SNX25: variants seen among roughly 807,000 people sequenced by gnomAD.
SNX25 encodes the protein sorting nexin 25, also known as sorting nexin-25.
Under a neutral mutation model 113.7 loss-of-function variants are expected in SNX25, and 62 were observed. That is an observed-to-expected ratio of 0.55 (90% CI 0.44 to 0.67). SNX25 has a LOEUF of 0.67. Among genes scored for constraint, SNX25 ranks in the 30% least tolerant of loss-of-function variants. SNX25 has a pLI of 0.00. For missense variants in SNX25, 1,014 were observed against 1,161.0 expected (o/e 0.87, Z 1.84); for synonymous variants, 421 against 436.2 (o/e 0.97, Z 0.43).
intron 6 of SNX25, among the ~76,000 whole-genome samples, chr4:185,310,074 A>G (rs992322428): frequency 3.3e-5 from 5 of 152,180 alleles, no homozygotes; most frequent in Non-Finnish European, 7.3e-5. Flanking sequence ...CTCATTATTC[A>G]TGTTTGTTTA....
chr4:185,316,528 C>A (rs1378316367), intron 7 of SNX25, among the ~76,000 whole-genome samples: 2 of 152,162 alleles, frequency 1.3e-5, no homozygotes, highest in South Asian at 2.1e-4. Context: ...TAGCACCCCC[C>A]ACACCAGTGG....
downstream of SNX25, chr4:185,374,235 C>A: frequency 6.2e-7 from 1 of 1,614,122 alleles, no homozygotes; most frequent in South Asian, 1.1e-5. Flanking sequence ...TGCGATAAGC[C>A]ACAGTCTACA....
intron 6 of SNX25, among the ~76,000 whole-genome samples, chr4:185,301,256 A>G (rs929545039): frequency 6.6e-6 from 1 of 152,204 alleles, no homozygotes; most frequent in African/African-American, 2.4e-5. Context: ...CCTCCATAAA[A>G]GGCCTAATGA....
downstream of SNX25, chr4:185,371,082 T>G (rs563024380): frequency 2.3e-4 from 76 of 336,266 alleles, no homozygotes; most frequent in African/African-American, 1.5e-3. Context: ...TTCTTTTTTC[T>G]TCTAATATTA....
At chr4:185,377,993 C>A in the SNX25 span, 2 of 1,072,256 alleles carry the variant, frequency 1.9e-6, no homozygotes, top group Non-Finnish European at 2.7e-6. Flanking sequence ...ATCAATAAAA[C>A]ACATTATTTC....
intron 16 of SNX25, among the ~76,000 whole-genome samples, chr4:185,358,080 T>G (rs2095346807): frequency 6.6e-6 from 1 of 152,218 alleles, no homozygotes. Flanking sequence ...AGAATCAGTT[T>G]AAGGTTCAGA....
chr4:185,221,366 A>G (rs3108266), intron 1 of SNX25, among the ~76,000 whole-genome samples: 98,807 of 151,816 alleles, frequency 0.65, 32,231 homozygotes, highest in East Asian at 0.73. Flanking sequence ...CTAGAGATGG[A>G]GTCTCTCTGT....
chr4:185,222,453 GT>G (rs1202974726), intron 1 of SNX25, among the ~76,000 whole-genome samples: 3 of 151,332 alleles, frequency 2.0e-5, no homozygotes, highest in Admixed American at 6.6e-5. Flanking sequence ...CTCCCTCGCG[GT>G]AGGTATTCAG....
chr4:185,346,305 T>C (rs1248347317), intron 12 of SNX25, among the ~76,000 whole-genome samples: 2 of 152,226 alleles, frequency 1.3e-5, no homozygotes, highest in African/African-American at 4.8e-5. Context: ...AGCCTGGCCT[T>C]GTGACTTCCC....
intron 9 of SNX25, among the ~76,000 whole-genome samples, chr4:185,324,652 G>A (rs1199296885): frequency 2.0e-5 from 3 of 152,128 alleles, no homozygotes; most frequent in Non-Finnish European, 4.4e-5. Context: ...TTTCTAGTTG[G>A]AGATGTCATT....
At chr4:185,215,433 C>G (rs1176498442) in intron 1 of SNX25, among the ~76,000 whole-genome samples, 4 of 152,154 alleles carry the variant, frequency 2.6e-5, no homozygotes, top group Admixed American at 6.5e-5. Flanking sequence ...TGCTCCAGTT[C>G]GCTTGGATCA....
rs1378680403 is a variant in SNX25 at position 185,234,631 on chromosome 4, G to A, written c.430-12663G>A. On this transcript the variant is annotated intron_variant, in intron 1 of 18. Coordinates refer to ENST00000652585, the MANE Select transcript of SNX25 (RefSeq NM_001378034.2). ...CAGGAGGCGGAGCTTGCAGTGAGCC[G>A]AGATCGCGCCACTGCACTCCAGCCT... is the stretch of plus-strand genomic sequence containing the variant. Among the ~76,000 whole-genome samples the A allele has an allele frequency of 1.7e-5, 2 of 119,224 alleles. 1 individual carries two copies. Among genetic ancestry groups the A allele is most frequent in the Non-Finnish European group, 3.5e-5 (2 of 57,052 alleles). 78.2% of individuals were successfully genotyped at this position (119,224 alleles called of 152,430 possible). A position where few individuals can be genotyped will look rare whatever the true frequency, so the allele number is the denominator to read the frequency against.
intron 1 of SNX25, among the ~76,000 whole-genome samples, chr4:185,242,864 G>T (rs1744278647): frequency 6.6e-6 from 1 of 152,226 alleles, no homozygotes; most frequent in African/African-American, 2.4e-5. Context: ...GGAGTTAGGA[G>T]CCAGGAACCC....
chr4:185,268,103 C>A lies in SNX25; in HGVS notation c.1091+948C>A, dbSNP rs75997877. On this transcript the variant is annotated intron_variant, in intron 5 of 18. Coordinates refer to ENST00000652585, the MANE Select transcript of SNX25 (RefSeq NM_001378034.2). The stretch of plus-strand genomic sequence containing the variant: ...GTTCAAACCTATGTTTTTCAAGAGT[C>A]AGCTGTAATGAGGCTATAATAGACT... Among the ~76,000 whole-genome samples the A allele has an allele frequency of 4.8e-3, 733 of 152,208 alleles. 1 individual carries two copies. Among genetic ancestry groups the A allele is most frequent in the Admixed American group, 7.3e-3 (112 of 15,288 alleles).
chr4:185,340,942 C>G (rs1322841227), intron 11 of SNX25, among the ~76,000 whole-genome samples: 1 of 152,180 alleles, frequency 6.6e-6, no homozygotes, highest in African/African-American at 2.4e-5. Flanking sequence ...TCTGTGCTAG[C>G]TGACTCATCA....
intron 1 of SNX25, among the ~76,000 whole-genome samples, chr4:185,211,590 T>C (rs1737812683): frequency 6.6e-6 from 1 of 152,226 alleles, no homozygotes. Context: ...AAATATTTAT[T>C]GAGCATCTTG....
chr4:185,226,237 A>G (rs1740981436), intron 1 of SNX25, among the ~76,000 whole-genome samples: 1 of 152,166 alleles, frequency 6.6e-6, no homozygotes, highest in African/African-American at 2.4e-5. Flanking sequence ...GGATTCTGCG[A>G]TCACTTTTTC....
downstream of SNX25, chr4:185,367,227 C>T (rs555878132): frequency 6.0e-5 from 97 of 1,610,880 alleles, 2 homozygotes; most frequent in South Asian, 8.8e-4. Flanking sequence ...TCTGCCAATG[C>T]GGGATTCAGA....
At chr4:185,304,774 C>A (rs908757476) in intron 6 of SNX25, among the ~76,000 whole-genome samples, 2 of 152,226 alleles carry the variant, frequency 1.3e-5, no homozygotes, top group African/African-American at 4.8e-5. Context: ...CAGGCATGAG[C>A]CACCACATCC....
Sources: allele counts gnomAD v4.1 joint callset (sites outside exome capture counted in the v4.1 genomes callset), GRCh38; gene constraint gnomAD v4.1.1; transcripts MANE v1.5; gene names NCBI Gene and HGNC (gene_info 2026-07-23, HGNC 2026-07-21).